Variants in HDAC9 observed in about 807,000 individuals in gnomAD.
HDAC9 encodes MEF-2 interacting transcription repressor (MITR) protein.
A neutral mutation model predicts 139.4 loss-of-function variants in HDAC9; 41 were observed. That is an observed-to-expected ratio of 0.29 (90% CI 0.23 to 0.38). The LOEUF (loss-of-function observed/expected upper bound fraction) is 0.38, where lower values mean the gene tolerates loss of function less well. Among genes scored for constraint, HDAC9 ranks in the 10% least tolerant of loss-of-function variants. The pLI, the probability that HDAC9 is intolerant of heterozygous loss-of-function variation, is 1.00. For synonymous variants in HDAC9, 517 were observed against 476.2 expected, an observed-to-expected ratio of 1.09 and a Z score of -1.12; for missense variants, 1,147 against 1,297.0, an observed-to-expected ratio of 0.88 and a Z score of 1.78.
Position 18,935,897 on chromosome 7 carries a change from C to G in HDAC9, c.2892C>G (p.Ile964Met). The G allele has an allele frequency of 2.5e-6, 4 of 1,613,724 alleles. No individual in the cohort carries two copies. Among genetic ancestry groups the G allele is most frequent in the Non-Finnish European group, 3.4e-6 (4 of 1,179,754 alleles). ...ALEGGHDLTA[I>M]CDASEACVNA... ...AAGGAGGACATGATCTCACAGCCATCTGTGATGCATCAGAAGCCTGTGTAA... is the reference window on the plus strand; with the variant it reads ...AAGGAGGACATGATCTCACAGCCATGTGTGATGCATCAGAAGCCTGTGTAA... Residue 964 changes from isoleucine to methionine, a missense_variant, in exon 23 of 26, where the codon ATC becomes ATG. Ile to Met is a conservative substitution (Grantham distance 10, BLOSUM62 1). This residue lies in a region of HDAC9 where 407 missense variants were observed against 521.5 expected (regional missense o/e 0.78). Transcript: ENST00000686413.
At position 18,406,494 on chromosome 7, in the gene HDAC9, C is replaced by G. The variant is rs1283674705; in HGVS notation, c.-41-89768C>G. Among the ~76,000 whole-genome samples, 4 of 151,894 alleles carry G rather than the reference C, an allele frequency of 2.6e-5. 1 individual carries two copies. Among genetic ancestry groups the G allele is most frequent in the African/African-American group, 9.7e-5 (4 of 41,344 alleles). On this transcript the variant is annotated intron_variant, in intron 1 of 3. Transcript: ENST00000413509. Reference sequence around the variant, plus strand: ...CTGCAAGCTCCGCCTCCCGGGTTTACGCCATTTTCCTGCCTCAGCCTCCCG... The same window carrying G: ...CTGCAAGCTCCGCCTCCCGGGTTTAGGCCATTTTCCTGCCTCAGCCTCCCG...
At chr7:18,736,652 A>T (rs1338748504) in intron 13 of HDAC9, among the ~76,000 whole-genome samples, 1 of 152,214 alleles carries the variant, frequency 6.6e-6, no homozygotes, top group African/African-American at 2.4e-5. Context: ...TTTATTGAGG[A>T]TATTCACATT....
At chr7:18,291,023 T>C (rs868224306) in intron 1 of HDAC9, among the ~76,000 whole-genome samples, 4 of 152,148 alleles carry the variant, frequency 2.6e-5, no homozygotes, top group South Asian at 2.1e-4. Flanking sequence ...CATGCATCTA[T>C]CACATAGCTT....
At chr7:18,500,147 A>T (rs1372613762) in intron 2 of HDAC9, among the ~76,000 whole-genome samples, 3 of 152,278 alleles carry the variant, frequency 2.0e-5, no homozygotes, top group East Asian at 1.9e-4. Flanking sequence ...ATTTCTAAGG[A>T]TGACACAGGA....
At chr7:18,860,007 T>C (rs978681456) in intron 21 of HDAC9, among the ~76,000 whole-genome samples, 6 of 151,496 alleles carry the variant, frequency 4.0e-5, no homozygotes, top group African/African-American at 1.5e-4. Flanking sequence ...TTTGAAACTT[T>C]GCAAAAAGAA....
chr7:18,986,838 G>A (rs890300495), intron 25 of HDAC9, among the ~76,000 whole-genome samples: 2 of 152,192 alleles, frequency 1.3e-5, no homozygotes, highest in Admixed American at 6.5e-5. Flanking sequence ...AAGCAACTGT[G>A]AATGGGAGTT....
At chr7:18,107,600 A>T (rs1463129460) in intron 1 of HDAC9, among the ~76,000 whole-genome samples, 1 of 152,174 alleles carries the variant, frequency 6.6e-6, no homozygotes, top group Non-Finnish European at 1.5e-5. Context: ...AAAAAGTGAG[A>T]TTTAAAACTT....
At chr7:18,280,187 C>T (rs765512074) in intron 2 of HDAC9, among the ~76,000 whole-genome samples, 13 of 152,172 alleles carry the variant, frequency 8.5e-5, no homozygotes, top group Non-Finnish European at 1.5e-4. Flanking sequence ...CACAGTGGCT[C>T]ACCCATGTAA....
In HDAC9 at chr7:18,305,348, A is replaced by G. The variant is rs73682144; in HGVS notation, c.-42+14833A>G. ...GGTTCTCAATAAACAGTCATCAAAT[A>G]TGAAAATACATGAATAATATTAGGT... On this transcript the variant is annotated intron_variant, in intron 1 of 3. Transcript: ENST00000413509. Among the ~76,000 whole-genome samples, 875 of 152,336 alleles carry G rather than the reference A, an allele frequency of 5.7e-3. 10 individuals carry two copies. Among genetic ancestry groups the G allele is most frequent in the African/African-American group, 0.02 (831 of 41,558 alleles).
chr7:18,333,989 A>T (rs1313465354), intron 1 of HDAC9, among the ~76,000 whole-genome samples: 2 of 151,526 alleles, frequency 1.3e-5, no homozygotes, highest in East Asian at 3.9e-4. Context: ...GCAGGAAAAA[A>T]GTCAATGACT....
In HDAC9 at chr7:18,593,918, C is replaced by T. The variant is rs1044584301; in HGVS notation, c.553C>T (p.His185Tyr). The change falls in exon 6 of 26, where the codon CAC (histidine) becomes TAC (tyrosine). Residue 185 changes from histidine to tyrosine, a missense_variant. His to Tyr is a moderately conservative substitution (Grantham distance 83). Transcript: ENST00000686413. ...CCTTGTCTTTTCTAGGGCTGCCCACCACACATCATTGGATCAAAGCTCTCC... is the reference window on the plus strand; with the variant it reads ...CCTTGTCTTTTCTAGGGCTGCCCACTACACATCATTGGATCAAAGCTCTCC... ...HPKLWYTAAH[H>Y]TSLDQSSPPL... is the part of the protein sequence containing the mutation. The T allele has an allele frequency of 6.2e-7, 1 of 1,612,774 alleles. No individual in the cohort carries two copies.
At chr7:18,646,142 T>G (rs1424768668) in intron 9 of HDAC9, among the ~76,000 whole-genome samples, 4 of 152,158 alleles carry the variant, frequency 2.6e-5, no homozygotes, top group South Asian at 4.1e-4. Flanking sequence ...AAAAAATATT[T>G]TTCCTTCTCT....
At chr7:18,620,434 TG>T (rs1326591033) in intron 6 of HDAC9, among the ~76,000 whole-genome samples, 1 of 151,998 alleles carries the variant, frequency 6.6e-6, no homozygotes, top group Non-Finnish European at 1.5e-5. Context: ...TATTTTTTCC[TG>T]TTTGTCCTAG....
intron 12 of HDAC9, among the ~76,000 whole-genome samples, chr7:18,697,981 G>T (rs1341086897): frequency 1.3e-5 from 2 of 152,016 alleles, no homozygotes; most frequent in Non-Finnish European, 2.9e-5. Flanking sequence ...ATGAATCAAT[G>T]ATATCATGAG....
Position 18,496,174 on chromosome 7 carries a change from G to C in HDAC9, c.-41-88G>C, listed in dbSNP as rs747845490. The C allele has an allele frequency of 2.7e-6, 4 of 1,475,624 alleles. No individual in the cohort carries two copies. The South Asian group carries it at 4.7e-5, about 17-fold the overall frequency. The allele number at this position is 1,475,624 out of a possible 1,614,324, so 91.4% of individuals were successfully genotyped here. ...GTAGCTCCTGGGGCCGGTGCACTGA[G>C]CAGTGATGAATGTTTCATGTAGCTG... On this transcript the variant is annotated intron_variant, in intron 1 of 25. Coordinates refer to ENST00000686413, the MANE Select transcript of HDAC9 (RefSeq NM_178425.4).
intron 1 of HDAC9, chr7:18,458,966 C>A: frequency 1.7e-6 from 2 of 1,173,178 alleles, no homozygotes; most frequent in South Asian, 1.3e-5. Context: ...GAGTGGGTGA[C>A]TTCCTTTTCC....
At chr7:18,931,897 T>C (rs961029036) in intron 22 of HDAC9, among the ~76,000 whole-genome samples, 4 of 152,142 alleles carry the variant, frequency 2.6e-5, no homozygotes, top group African/African-American at 9.6e-5. Flanking sequence ...AGTCATTGAT[T>C]CTGTCTGATA....
rs149487373 is a variant in HDAC9 at position 18,619,675 on chromosome 7, A to G, written c.665-9675A>G. Among the ~76,000 whole-genome samples, 256 of 152,300 alleles carry G rather than the reference A, an allele frequency of 1.7e-3. 1 individual carries two copies. The highest frequency in any genetic ancestry group is 3.4e-3 in the Middle Eastern group (1 of 294). On this transcript the variant is annotated intron_variant, in intron 6 of 25. Coordinates refer to ENST00000686413, the MANE Select transcript of HDAC9 (RefSeq NM_178425.4). ...GAGAAGGAGCCAGAAGAGAGAGGGA[A>G]TTTGAAGATACATGTTGCATAACCT...
chr7:18,469,304 A>G (rs897496496), intron 1 of HDAC9, among the ~76,000 whole-genome samples: 2 of 152,140 alleles, frequency 1.3e-5, no homozygotes, highest in African/African-American at 4.8e-5. Flanking sequence ...AGAAAAGTAC[A>G]TTTTCATGGT....
Sources: allele counts gnomAD v4.1 joint callset (sites outside exome capture counted in the v4.1 genomes callset), GRCh38; gene constraint gnomAD v4.1.1; regional missense constraint gnomAD v4.1.1; transcripts MANE v1.5; gene names NCBI Gene and HGNC (gene_info 2026-07-23, HGNC 2026-07-21).